Variants in ZDHHC14 observed in about 807,000 individuals in gnomAD.
ZDHHC14 encodes the protein palmitoyltransferase ZDHHC14.
Under a neutral mutation model 47.7 loss-of-function variants are expected in ZDHHC14, and 16 were observed. The observed-to-expected ratio is 0.34, with a 90% CI of 0.23 to 0.51. The LOEUF (loss-of-function observed/expected upper bound fraction) is 0.51. Ranked by LOEUF, ZDHHC14 falls within the 20% of genes least tolerant of loss-of-function variation. ZDHHC14 has a pLI of 0.97. For synonymous variants in ZDHHC14, 293 were observed against 278.9 expected (o/e 1.05, Z -0.50); for missense variants, 515 against 662.5 (o/e 0.78, Z 2.44).
chr6:157,422,565 T>C (rs1365364538), intron 1 of ZDHHC14, among the ~76,000 whole-genome samples: 1 of 152,198 alleles, frequency 6.6e-6, no homozygotes, highest in Non-Finnish European at 1.5e-5. Context: ...CTGGTTTTCA[T>C]AGAACCCGAG....
chr6:157,495,008 C>T (rs1780020904), intron 1 of ZDHHC14, among the ~76,000 whole-genome samples: 1 of 152,036 alleles, frequency 6.6e-6, no homozygotes, highest in Non-Finnish European at 1.5e-5. Flanking sequence ...CTTTTCTTGA[C>T]AGCTGTGTTA....
At chr6:157,431,277 C>T (rs1778333962) in intron 1 of ZDHHC14, among the ~76,000 whole-genome samples, 1 of 152,220 alleles carries the variant, frequency 6.6e-6, no homozygotes, top group African/African-American at 2.4e-5. Context: ...GTCTAATTGT[C>T]AGGGCCAGAT....
At chr6:157,512,053 A>C (rs1036969999) in intron 1 of ZDHHC14, among the ~76,000 whole-genome samples, 1 of 152,196 alleles carries the variant, frequency 6.6e-6, no homozygotes, top group Non-Finnish European at 1.5e-5. Context: ...GCCTACCTGG[A>C]GGAGGATAGT....
chr6:157,409,989 G>C (rs867272950), intron 1 of ZDHHC14, among the ~76,000 whole-genome samples: 1 of 151,840 alleles, frequency 6.6e-6, no homozygotes, highest in African/African-American at 2.4e-5. Context: ...CCACCATCAC[G>C]CCCGGCTAAT....
intron 1 of ZDHHC14, among the ~76,000 whole-genome samples, chr6:157,402,869 G>C (rs1005580511): frequency 6.6e-6 from 1 of 152,114 alleles, no homozygotes; most frequent in Non-Finnish European, 1.5e-5. Flanking sequence ...TGAGATTACA[G>C]GTGTGCACCA....
At chr6:157,543,598 A>G (rs1562471854) in intron 2 of ZDHHC14, among the ~76,000 whole-genome samples, 1 of 152,234 alleles carries the variant, frequency 6.6e-6, no homozygotes, top group Non-Finnish European at 1.5e-5. Context: ...CCCTGTCTAC[A>G]GTGTAAGAAG....
At chr6:157,626,561 C>T (rs980456330) in intron 3 of ZDHHC14, among the ~76,000 whole-genome samples, 1 of 152,096 alleles carries the variant, frequency 6.6e-6, no homozygotes, top group Admixed American at 6.5e-5. Context: ...GAGGCAGGTC[C>T]AGAGAGTTCC....
chr6:157,658,865 G>A (rs1256855679), intron 8 of ZDHHC14, among the ~76,000 whole-genome samples: 4 of 152,146 alleles, frequency 2.6e-5, no homozygotes, highest in Admixed American at 2.0e-4. Flanking sequence ...CTTCTGTCTC[G>A]AAAAGTTTGT....
chr6:157,548,421 T>TTTGTTG (rs767143505), intron 2 of ZDHHC14, among the ~76,000 whole-genome samples: 3 of 136,234 alleles, frequency 2.2e-5, no homozygotes, highest in East Asian at 4.2e-4. Context: ...TGTTCTTGTT[T>TTTGTTG]TTGTTGTTGT....
rs137861838 is a variant in ZDHHC14, at chr6:157,647,310, A to G, written c.907A>G (p.Ser303Gly). 1.2e-5 allele frequency: 19 copies of G among 1,614,212 alleles called. No individual in the cohort carries two copies. Among genetic ancestry groups the G allele is most frequent in the Non-Finnish European group, 1.5e-5 (18 of 1,180,026 alleles). The change falls in exon 7 of 9, where the codon AGC becomes GGC. Residue 303 changes from serine to glycine, a missense_variant. Physicochemically the swap from Ser to Gly is moderately conservative, Grantham distance 56 (BLOSUM62 0). Transcript: ENST00000359775. ...KRGKENYNPY[S>G]YGNIFTNCCV... ...AGGTAAAGAAAATTACAATCCCTAC[A>G]GCTACGGAAATATCTTTACCAACTG...
At chr6:157,664,934 G>T (rs1270410886) in intron 8 of ZDHHC14, among the ~76,000 whole-genome samples, 2 of 152,086 alleles carry the variant, frequency 1.3e-5, no homozygotes, top group South Asian at 4.2e-4. Context: ...CCAGTGTCTT[G>T]CCCTGGAGAT....
At chr6:157,568,247 T>C (rs1371032207) in intron 2 of ZDHHC14, among the ~76,000 whole-genome samples, 1 of 152,180 alleles carries the variant, frequency 6.6e-6, no homozygotes, top group African/African-American at 2.4e-5. Flanking sequence ...CAAAGTAATA[T>C]ATATGTCCAT....
chr6:157,609,158 G>C (rs1395965447), intron 3 of ZDHHC14, among the ~76,000 whole-genome samples: 1 of 152,170 alleles, frequency 6.6e-6, no homozygotes, highest in African/African-American at 2.4e-5. Flanking sequence ...TTGGGTTCTT[G>C]GTCCAGAAGT....
intron 5 of ZDHHC14, among the ~76,000 whole-genome samples, chr6:157,635,490 C>A (rs149242189): frequency 3.7e-4 from 57 of 152,330 alleles, no homozygotes; most frequent in African/African-American, 1.3e-3. Flanking sequence ...AATTTTTTGA[C>A]CTGCAATAGT....
intron 3 of ZDHHC14, among the ~76,000 whole-genome samples, chr6:157,625,857 G>A (rs751272562): frequency 1.3e-5 from 2 of 152,094 alleles, no homozygotes; most frequent in Admixed American, 6.5e-5. Context: ...CAAGTTTCTA[G>A]ACAGGAACTG....
chr6:157,425,460 C>T (rs1583633770), intron 1 of ZDHHC14, among the ~76,000 whole-genome samples: 1 of 152,190 alleles, frequency 6.6e-6, no homozygotes, highest in Non-Finnish European at 1.5e-5. Flanking sequence ...TTCTTTCTCA[C>T]CCAATTATGT....
At chr6:157,535,669 G>A (rs911936112) in intron 1 of ZDHHC14, among the ~76,000 whole-genome samples, 2 of 152,124 alleles carry the variant, frequency 1.3e-5, no homozygotes, top group African/African-American at 2.4e-5. Flanking sequence ...TAATTAACAC[G>A]ATTAGTCACT....
At chr6:157,455,268 G>T (rs1354413667) in intron 1 of ZDHHC14, among the ~76,000 whole-genome samples, 1 of 152,256 alleles carries the variant, frequency 6.6e-6, no homozygotes, top group Non-Finnish European at 1.5e-5. Context: ...CTGAAGATGT[G>T]AGGCAGCAGA....
At chr6:157,412,568 C>T (rs1777891150) in intron 1 of ZDHHC14, among the ~76,000 whole-genome samples, 1 of 152,226 alleles carries the variant, frequency 6.6e-6, no homozygotes, top group Admixed American at 6.5e-5. Flanking sequence ...GCTGGGATTA[C>T]AGGTGTGAGC....
Sources: allele counts gnomAD v4.1 joint callset (sites outside exome capture counted in the v4.1 genomes callset), GRCh38; gene constraint gnomAD v4.1.1; transcripts MANE v1.5; gene names NCBI Gene and HGNC (gene_info 2026-07-23, HGNC 2026-07-21).